Variants in TSPAN5 observed in about 807,000 individuals in gnomAD.
The protein encoded by TSPAN5 is tetraspanin-5.
Under a neutral mutation model 37.1 loss-of-function variants are expected in TSPAN5, and 10 were observed. The ratio of observed to expected loss-of-function variants is 0.27; its 90% CI spans 0.17 to 0.46. The LOEUF is 0.46. TSPAN5 is among the 20% of genes least tolerant of loss of function. The probability of loss-of-function intolerance (pLI) is 1.00; values close to 1 mark genes in which losing one functional copy is unlikely to be tolerated. For missense variants in TSPAN5, 195 were observed against 326.6 expected (o/e 0.60, Z 3.11); for synonymous variants, 110 against 118.9 (o/e 0.93, Z 0.48).
At chr4:98,592,075 T>A (rs201085182) in intron 1 of TSPAN5, among the ~76,000 whole-genome samples, 55 of 152,030 alleles carry the variant, frequency 3.6e-4, no homozygotes, top group East Asian at 3.1e-3. Context: ...TTTAACAAGA[T>A]ATGATAGTAA....
intron 2 of TSPAN5, among the ~76,000 whole-genome samples, chr4:98,488,254 A>G (rs564811182): frequency 1.3e-5 from 2 of 152,318 alleles, no homozygotes; most frequent in African/African-American, 4.8e-5. Context: ...CCCAGTCAGC[A>G]CTAACCAACA....
chr4:98,562,661 AAAAACAAAAC>A (rs371373013), intron 1 of TSPAN5, among the ~76,000 whole-genome samples: 11,797 of 151,048 alleles, frequency 0.078, 832 homozygotes, highest in African/African-American at 0.17. Context: ...CTCTGTCTCA[AAAAACAAAAC>A]AAAACAAAAC....
At chr4:98,514,322 T>A (rs1753683574) in intron 1 of TSPAN5, among the ~76,000 whole-genome samples, 1 of 152,176 alleles carries the variant, frequency 6.6e-6, no homozygotes, top group Non-Finnish European at 1.5e-5. Context: ...TGAACAACAC[T>A]CGTTTTAGCA....
At chr4:98,486,969 C>G (rs977999329) in intron 2 of TSPAN5, 85 bp from the exon 3 acceptor site, 36 of 1,455,198 alleles carry the variant, frequency 2.5e-5, no homozygotes, top group Non-Finnish European at 3.4e-5. Context: ...TTTGTCCTTT[C>G]CCCTCCCAAA....
chr4:98,591,070 TTTTTTTG>T (rs1465092836), intron 1 of TSPAN5, among the ~76,000 whole-genome samples: 1 of 141,068 alleles, frequency 7.1e-6, no homozygotes, highest in African/African-American at 3.0e-5. Flanking sequence ...CTTTTTTTTG[TTTTTTTG>T]TTTTTTTTTT....
At chr4:98,655,127 G>A (rs1041795931) in intron 1 of TSPAN5, among the ~76,000 whole-genome samples, 4 of 152,174 alleles carry the variant, frequency 2.6e-5, no homozygotes, top group Non-Finnish European at 5.9e-5. Flanking sequence ...TCGCAGGCGT[G>A]AGCCACCGCG....
intron 1 of TSPAN5, among the ~76,000 whole-genome samples, chr4:98,587,909 AAC>A (rs1755532568): frequency 1.3e-5 from 2 of 152,006 alleles, no homozygotes; most frequent in African/African-American, 4.8e-5. Context: ...CAACAACAAC[AAC>A]AACAAAACAA....
intron 1 of TSPAN5, among the ~76,000 whole-genome samples, chr4:98,556,018 A>AC (rs1754738362): frequency 8.2e-6 from 1 of 122,440 alleles, no homozygotes; most frequent in African/African-American, 3.1e-5. Context: ...TGCACAGCAC[A>AC]CACCCCCACA....
At chr4:98,633,563 G>A (rs767069300) in intron 1 of TSPAN5, among the ~76,000 whole-genome samples, 1 of 151,988 alleles carries the variant, frequency 6.6e-6, no homozygotes, top group South Asian at 2.1e-4. Context: ...TCATCACTTC[G>A]ATGAACAATT....
rs540626244 is a variant in TSPAN5, at chr4:98,606,382, A to C, written c.81+51764T>G. 1.5e-4 allele frequency among the ~76,000 whole-genome samples: 23 copies of C among 152,350 alleles called. No homozygotes were observed. The South Asian group carries it at 4.6e-3, about 30-fold the overall frequency. On this transcript the variant is annotated intron_variant, in intron 1 of 7. Coordinates refer to ENST00000305798, the MANE Select transcript of TSPAN5 (RefSeq NM_005723.4). ...CTCATACCATAAAGACTTCCAAAGC[A>C]TTCTTAGGTTTGCTTTATGAGCTAC...
chr4:98,551,397 T>C (rs1388257602), intron 1 of TSPAN5, among the ~76,000 whole-genome samples: 1 of 143,770 alleles, frequency 7.0e-6, no homozygotes, highest in Admixed American at 7.1e-5. Context: ...CCTTGTAGAA[T>C]GAGGTGGGGA....
At chr4:98,606,603 T>G (rs1292796422) in intron 1 of TSPAN5, among the ~76,000 whole-genome samples, 1 of 152,202 alleles carries the variant, frequency 6.6e-6, no homozygotes, top group Non-Finnish European at 1.5e-5. Context: ...TTAGGGTTCT[T>G]GGTTATAGTT....
chr4:98,637,183 C>T (rs1172637952), intron 1 of TSPAN5, among the ~76,000 whole-genome samples: 2 of 152,156 alleles, frequency 1.3e-5, no homozygotes, highest in Non-Finnish European at 2.9e-5. Flanking sequence ...TTACTTAAGC[C>T]TTTGAAGGAC....
At chr4:98,615,962 AT>A (rs1395425712) in intron 1 of TSPAN5, among the ~76,000 whole-genome samples, 2 of 152,182 alleles carry the variant, frequency 1.3e-5, no homozygotes, top group African/African-American at 4.8e-5. Context: ...AACAAGTGAA[AT>A]CAAAAGGAAA....
chr4:98,568,558 CA>C (rs1028511961), intron 1 of TSPAN5, among the ~76,000 whole-genome samples: 1 of 151,102 alleles, frequency 6.6e-6, no homozygotes, highest in Non-Finnish European at 1.5e-5. Flanking sequence ...CAACCCACCA[CA>C]AAAAAAAGAA....
At chr4:98,537,172 G>A (rs1451892852) in intron 1 of TSPAN5, among the ~76,000 whole-genome samples, 1 of 152,240 alleles carries the variant, frequency 6.6e-6, no homozygotes, top group Non-Finnish European at 1.5e-5. Flanking sequence ...TGCGAAGACT[G>A]TGGAACAAGC....
chr4:98,587,111 C>T (rs992582145), intron 1 of TSPAN5, among the ~76,000 whole-genome samples: 1 of 152,210 alleles, frequency 6.6e-6, no homozygotes, highest in African/African-American at 2.4e-5. Flanking sequence ...AGCCATCACA[C>T]ATGCCAAGGG....
At chr4:98,549,086 C>G (rs1024153077) in intron 1 of TSPAN5, among the ~76,000 whole-genome samples, 2 of 152,144 alleles carry the variant, frequency 1.3e-5, no homozygotes, top group Non-Finnish European at 2.9e-5. Context: ...ATTGCTAGAT[C>G]CAACGGTAGT....
intron 1 of TSPAN5, among the ~76,000 whole-genome samples, chr4:98,608,971 C>T (rs916861541): frequency 6.6e-6 from 1 of 152,216 alleles, no homozygotes; most frequent in Admixed American, 6.5e-5. Context: ...TTTCTGCTTA[C>T]TGAGCAAGGT....
Sources: gnomAD v4.1 joint callset for allele counts (sites outside exome capture counted in the v4.1 genomes callset) on GRCh38, gnomAD v4.1.1 for gene constraint, MANE v1.5 for transcripts, NCBI Gene and HGNC (gene_info 2026-07-23, HGNC 2026-07-21) for gene names.